The following PLEKHA7 variants were observed in gnomAD, a reference collection of about 807,000 sequenced individuals.
PLEKHA7 encodes the protein pleckstrin homology domain-containing family A member 7.
PLEKHA7 carries 104 observed loss-of-function variants against 170.0 expected under a neutral mutation model. The ratio of observed to expected loss-of-function variants is 0.61; its 90% confidence interval spans 0.52 to 0.72. The LOEUF (loss-of-function observed/expected upper bound fraction) is 0.72. Ranked by LOEUF, PLEKHA7 falls within the 30% of genes least tolerant of loss-of-function variation. The probability of loss-of-function intolerance (pLI) is 0.00; values close to 1 mark genes in which losing one functional copy is unlikely to be tolerated. For missense variants in PLEKHA7, 1,615 were observed against 1,671.7 expected (o/e 0.97, Z 0.59); for synonymous variants, 648 against 660.8 (o/e 0.98, Z 0.30).
intron 17 of PLEKHA7, among the ~76,000 whole-genome samples, chr11:16,800,510 C>T (rs1310566420): frequency 6.6e-6 from 1 of 152,140 alleles, no homozygotes; most frequent in Non-Finnish European, 1.5e-5. Flanking sequence ...GACCAGAGTG[C>T]CTCAAAGGAC....
At chr11:16,792,042 G>C (rs1847898178) in intron 19 of PLEKHA7, among the ~76,000 whole-genome samples, 1 of 152,150 alleles carries the variant, frequency 6.6e-6, no homozygotes, top group South Asian at 2.1e-4. Flanking sequence ...GGCACTCCAA[G>C]CTCTTGGAAA....
intron 3 of PLEKHA7, among the ~76,000 whole-genome samples, chr11:16,942,153 C>T (rs1044306368): frequency 6.6e-6 from 1 of 152,212 alleles, no homozygotes; most frequent in African/African-American, 2.4e-5. Flanking sequence ...AGTGGTGTTC[C>T]CAAGGTCACA....
intron 3 of PLEKHA7, among the ~76,000 whole-genome samples, chr11:16,976,479 C>T (rs1240367052): frequency 3.3e-5 from 5 of 152,214 alleles, no homozygotes; most frequent in East Asian, 1.9e-4. Context: ...AGAGCAGAGA[C>T]GGTGTGGTAC....
intron 25 of PLEKHA7, 66 bp downstream of exon 25, chr11:16,783,634 C>A (rs1849204004): frequency 7.5e-7 from 1 of 1,326,854 alleles, no homozygotes; most frequent in Non-Finnish European, 9.6e-7. Flanking sequence ...GGCCCAGGGC[C>A]CACATGGTAG....
intron 3 of PLEKHA7, among the ~76,000 whole-genome samples, chr11:16,975,861 G>T (rs1223260772): frequency 6.6e-6 from 1 of 152,120 alleles, no homozygotes; most frequent in Non-Finnish European, 1.5e-5. Flanking sequence ...CTCCAATTTT[G>T]CCATCTGTAA....
chr11:16,907,973 T>C (rs1857960497), intron 3 of PLEKHA7, among the ~76,000 whole-genome samples: 1 of 150,072 alleles, frequency 6.7e-6, no homozygotes, highest in African/African-American at 2.4e-5. Flanking sequence ...CCCCCAACCC[T>C]GTGCTCTCTG....
In PLEKHA7 at chr11:16,947,018, C is replaced by G. The variant is rs550238579; in HGVS notation, c.221+66971G>C. ...GTTCCAAAACGCAGCTGCGCCAGCA[C>G]CCCCTGGGAACCTATAAAGAATACA... On this transcript the variant is annotated intron_variant, in intron 3 of 26. Transcript: ENST00000531066. Among the ~76,000 whole-genome samples, 3 of 152,288 alleles carry G rather than the reference C, an allele frequency of 2.0e-5. 1 individual carries two copies. The East Asian group carries it at 5.8e-4, about 29-fold the overall frequency.
intron 26 of PLEKHA7, 150 bp downstream of exon 26, chr11:16,782,604 G>T: frequency 1.0e-6 from 1 of 994,258 alleles, no homozygotes; most frequent in Non-Finnish European, 1.5e-6. Flanking sequence ...GGGACAGGAT[G>T]CCGAGTGGTC....
intron 3 of PLEKHA7, among the ~76,000 whole-genome samples, chr11:16,885,043 A>T (rs1439495668): frequency 6.6e-6 from 1 of 152,256 alleles, no homozygotes; most frequent in Non-Finnish European, 1.5e-5. Context: ...ATCTGTTTTA[A>T]GAAATAAAGA....
At chr11:16,941,736 A>T (rs547738164) in intron 3 of PLEKHA7, among the ~76,000 whole-genome samples, 3 of 152,358 alleles carry the variant, frequency 2.0e-5, no homozygotes, top group Admixed American at 1.3e-4. Flanking sequence ...TTATACCATG[A>T]AGAAGTGGGT....
chr11:16,866,209 G>A (rs548202347), intron 4 of PLEKHA7, among the ~76,000 whole-genome samples: 96 of 152,198 alleles, frequency 6.3e-4, no homozygotes, highest in Non-Finnish European at 8.8e-4. Flanking sequence ...AAGTGGTCCC[G>A]TAACTTACTT....
Position 16,783,644 on chromosome 11 carries a change from G to A in PLEKHA7, c.3650+56C>T, listed in dbSNP as rs1564899660. The A allele has an allele frequency of 5.7e-5, 76 of 1,339,870 alleles. No individual in the cohort carries two copies. The South Asian group carries it at 1.3e-3, about 23-fold the overall frequency. 83.0% of individuals were successfully genotyped at this position (1,339,870 alleles called of 1,614,324 possible). A position where few individuals can be genotyped will look rare whatever the true frequency, so the allele number is the denominator to read the frequency against. ...AGCCCGGCCCAGGGCCCACATGGTA[G>A]AGACGCCACCTGGGGTCAGGGTGAC... On this transcript the variant is annotated intron_variant, in intron 25 of 26. Coordinates refer to ENST00000531066, the MANE Select transcript of PLEKHA7 (RefSeq NM_001329630.2).
At chr11:16,890,246 A>T (rs1856523955) in intron 3 of PLEKHA7, among the ~76,000 whole-genome samples, 1 of 152,238 alleles carries the variant, frequency 6.6e-6, no homozygotes, top group Non-Finnish European at 1.5e-5. Context: ...TATACAATCG[A>T]GACTGCAAAG....
intron 9 of PLEKHA7, among the ~76,000 whole-genome samples, chr11:16,830,110 C>T (rs1393729018): frequency 6.6e-6 from 1 of 152,100 alleles, no homozygotes; most frequent in East Asian, 1.9e-4. Context: ...TCCTGTGTAA[C>T]TGGTACCACA....
chr11:16,988,150 G>C (rs1462684428), intron 3 of PLEKHA7, among the ~76,000 whole-genome samples: 1 of 152,238 alleles, frequency 6.6e-6, no homozygotes, highest in Non-Finnish European at 1.5e-5. Context: ...CCCAGGTCAG[G>C]CAGCTGTAAG....
chr11:16,997,890 G>C (rs1322760252), intron 3 of PLEKHA7, among the ~76,000 whole-genome samples: 1 of 152,146 alleles, frequency 6.6e-6, no homozygotes, highest in African/African-American at 2.4e-5. Context: ...AAATAAACTG[G>C]AGCAGTCTCC....
intron 3 of PLEKHA7, among the ~76,000 whole-genome samples, chr11:16,982,650 C>A (rs956420138): frequency 6.6e-6 from 1 of 152,188 alleles, no homozygotes; most frequent in South Asian, 2.1e-4. Flanking sequence ...TTCTAAAACC[C>A]GTCCTCCTGT....
intron 3 of PLEKHA7, among the ~76,000 whole-genome samples, chr11:16,959,906 C>T (rs545387692): frequency 1.4e-4 from 22 of 152,240 alleles, no homozygotes; most frequent in African/African-American, 4.8e-4. Context: ...CCTGCCTCCC[C>T]GGGCCAAGCC....
At chr11:16,854,405 T>C (rs955364291) in intron 6 of PLEKHA7, among the ~76,000 whole-genome samples, 2 of 152,094 alleles carry the variant, frequency 1.3e-5, no homozygotes, top group South Asian at 2.1e-4. Context: ...GAAAAAGCAG[T>C]CTTGGGGAAA....
Sources: allele counts gnomAD v4.1 joint callset (sites outside exome capture counted in the v4.1 genomes callset), GRCh38; gene constraint gnomAD v4.1.1; transcripts MANE v1.5; gene names NCBI Gene and HGNC (gene_info 2026-07-23, HGNC 2026-07-21).